Variants in DYM observed in about 807,000 individuals in gnomAD.
DYM encodes the protein dymeclin.
In DYM, 78 loss-of-function variants were observed where a neutral mutation model predicts 93.1. That is an observed-to-expected ratio of 0.84 (90% CI 0.70 to 1.01). The LOEUF is 1.01. Among genes scored for constraint, DYM ranks in the 50% least tolerant of loss-of-function variants. DYM has a pLI of 0.00. For synonymous variants in DYM, 321 were observed against 319.7 expected (o/e 1.00, Z -0.04); for missense variants, 789 against 845.0 (o/e 0.93, Z 0.82).
intron 15 of DYM, among the ~76,000 whole-genome samples, chr18:49,146,457 G>A (rs183745040): frequency 3.9e-5 from 6 of 152,286 alleles, no homozygotes; most frequent in African/African-American, 9.6e-5. Context: ...CATTGTCTCA[G>A]CACAAAATCT....
chr18:49,118,012 TTTTTTTTTG>T lies in DYM; in HGVS notation c.1911+723_1911+731del, dbSNP rs1298717045. Among the ~76,000 whole-genome samples, 22 of 140,844 alleles carry T rather than the reference TTTTTTTTTG, an allele frequency of 1.6e-4. No individual in the cohort carries two copies. In the East Asian group the frequency reaches 4.5e-3, roughly 29 times the overall value. The allele number at this position is 140,844 out of a possible 152,430, so 92.4% of individuals were successfully genotyped here. A position where few individuals can be genotyped will look rare whatever the true frequency, so the allele number is the denominator to read the frequency against. On this transcript the variant is annotated intron_variant, in intron 16 of 17. Coordinates refer to ENST00000675505, the MANE Select transcript of DYM (RefSeq NM_001353214.3). Reference sequence around the variant, plus strand: ...GTGCCCAGCCTTTTTTTTTTTTTTTTTTTTTTTTGTGTGTGAGACGGAGTTTTACTCTCG... The same window carrying T: ...GTGCCCAGCCTTTTTTTTTTTTTTTTTGTGTGAGACGGAGTTTTACTCTCG...
At chr18:49,381,481 C>T (rs1417401314) in intron 3 of DYM, among the ~76,000 whole-genome samples, 1 of 152,150 alleles carries the variant, frequency 6.6e-6, no homozygotes, top group East Asian at 1.9e-4. Context: ...CCAAGCGTGG[C>T]TCATGGACCG....
chr18:49,234,928 T>C (rs777962110), intron 13 of DYM, among the ~76,000 whole-genome samples: 2 of 152,042 alleles, frequency 1.3e-5, no homozygotes, highest in Admixed American at 1.3e-4. Context: ...CAGAGAGAGG[T>C]TTCCAGGAGC....
At chr18:49,145,819 T>C (rs989400701) in intron 15 of DYM, among the ~76,000 whole-genome samples, 2 of 152,218 alleles carry the variant, frequency 1.3e-5, no homozygotes, top group African/African-American at 4.8e-5. Flanking sequence ...TATATGTCTA[T>C]GTATTCAAGT....
intron 8 of DYM, among the ~76,000 whole-genome samples, chr18:49,314,227 T>C (rs1452799764): frequency 2.0e-5 from 3 of 152,274 alleles, no homozygotes; most frequent in African/African-American, 7.2e-5. Context: ...GTTTTGCCTA[T>C]TGAACTTTCA....
intron 15 of DYM, among the ~76,000 whole-genome samples, chr18:49,153,260 C>T (rs1600180081): frequency 6.6e-6 from 1 of 151,996 alleles, no homozygotes; most frequent in African/African-American, 2.4e-5. Flanking sequence ...ACTCATAAAC[C>T]TGGGAAAAAA....
chr18:49,078,483 T>C (rs985394382), intron 17 of DYM, among the ~76,000 whole-genome samples: 1 of 152,112 alleles, frequency 6.6e-6, no homozygotes, highest in African/African-American at 2.4e-5. Flanking sequence ...TATACTATAG[T>C]TGTTATATAT....
chr18:49,267,350 T>C (rs2094587652), intron 11 of DYM, among the ~76,000 whole-genome samples: 1 of 152,066 alleles, frequency 6.6e-6, no homozygotes, highest in Non-Finnish European at 1.5e-5. Context: ...TAAAAACATA[T>C]CATGTCCAAG....
chr18:49,434,437 T>A (rs926670999), intron 1 of DYM, among the ~76,000 whole-genome samples: 7 of 151,936 alleles, frequency 4.6e-5, no homozygotes, highest in Non-Finnish European at 7.4e-5. Context: ...GGAGAATCAC[T>A]TGAACCTGGG....
intron 13 of DYM, among the ~76,000 whole-genome samples, chr18:49,217,165 T>C (rs539105450): frequency 2.0e-5 from 3 of 152,036 alleles, no homozygotes; most frequent in South Asian, 2.1e-4. Context: ...TGATGCAAGA[T>C]GAAATGAATG....
In DYM at chr18:49,037,767, A is replaced by G. The variant is rs539005251; in HGVS notation, c.*6288T>C. Among the ~76,000 whole-genome samples the G allele has an allele frequency of 1.3e-5, 2 of 152,318 alleles. No individual in the cohort carries two copies. Among genetic ancestry groups the G allele is most frequent in the South Asian group, 4.1e-4 (2 of 4,828 alleles). On this transcript the variant is annotated 3_prime_UTR_variant, in exon 18 of 18. Coordinates refer to ENST00000675505, the MANE Select transcript of DYM (RefSeq NM_001353214.3). ...TTATAAAATTATCTTTTTGTAAATA[A>G]TTAGTCTTGATTCTATTATGGTCAG... is the stretch of plus-strand genomic sequence containing the variant.
At chr18:49,418,237 CA>C (rs2073224265) in intron 2 of DYM, among the ~76,000 whole-genome samples, 1 of 152,054 alleles carries the variant, frequency 6.6e-6, no homozygotes, top group Non-Finnish European at 1.5e-5. Context: ...TCACACACAC[CA>C]TAGCCTCAGA....
intron 2 of DYM, among the ~76,000 whole-genome samples, chr18:49,393,081 A>AAGGG (rs1318439831): frequency 1.1e-4 from 9 of 81,402 alleles, no homozygotes; most frequent in African/African-American, 3.5e-4. Context: ...AGGAGGAAAG[A>AAGGG]AGGGAGGGAG....
intron 15 of DYM, among the ~76,000 whole-genome samples, chr18:49,142,150 C>T (rs1042845535): frequency 2.6e-5 from 4 of 152,110 alleles, no homozygotes; most frequent in African/African-American, 7.2e-5. Context: ...TGTGAGCCAC[C>T]GCGCCTGGCC....
intron 14 of DYM, among the ~76,000 whole-genome samples, chr18:49,164,754 G>C (rs1032937158): frequency 6.6e-6 from 1 of 152,138 alleles, no homozygotes; most frequent in East Asian, 1.9e-4. Context: ...ACAGACTGAG[G>C]GATATTGGAG....
Position 49,266,107 on chromosome 18 carries a change from A to T in DYM, c.1251+6071T>A, listed in dbSNP as rs551532665. ...ACAGAGTGAGACTCTGTCTCAAAAAAATTTTTACAAAATTAAATAATTAAA... is the reference window on the plus strand; with the variant it reads ...ACAGAGTGAGACTCTGTCTCAAAAATATTTTTACAAAATTAAATAATTAAA... On this transcript the variant is annotated intron_variant, in intron 11 of 17. Coordinates refer to ENST00000675505, the MANE Select transcript of DYM (RefSeq NM_001353214.3). 2.6e-5 allele frequency among the ~76,000 whole-genome samples: 4 copies of T among 152,226 alleles called. No individual in the cohort carries two copies. In the East Asian group the frequency reaches 7.7e-4, roughly 29 times the overall value.
intron 17 of DYM, among the ~76,000 whole-genome samples, chr18:49,069,732 A>T (rs944229051): frequency 6.6e-6 from 1 of 152,138 alleles, no homozygotes; most frequent in African/African-American, 2.4e-5. Flanking sequence ...TGGGAACCAG[A>T]TGGCTAAGCT....
intron 8 of DYM, among the ~76,000 whole-genome samples, chr18:49,301,957 G>T (rs543491741): frequency 1.6e-3 from 245 of 152,158 alleles, no homozygotes; most frequent in Non-Finnish European, 2.9e-3. Context: ...AAGACACATG[G>T]TGGTTCAGTG....
intron 13 of DYM, among the ~76,000 whole-genome samples, chr18:49,228,779 A>T (rs1260209772): frequency 1.3e-5 from 2 of 152,070 alleles, no homozygotes. Context: ...AATGAAAGAG[A>T]TCATGATGGG....
Sources: gnomAD v4.1 joint callset for allele counts (sites outside exome capture counted in the v4.1 genomes callset) on GRCh38, gnomAD v4.1.1 for gene constraint, MANE v1.5 for transcripts, NCBI Gene and HGNC (gene_info 2026-07-23, HGNC 2026-07-21) for gene names.